The following DLG2 variants were observed in gnomAD, a reference collection of about 807,000 sequenced individuals.
DLG2 encodes discs large MAGUK scaffold protein 2.
A neutral mutation model predicts 132.5 loss-of-function variants in DLG2; 45 were observed. The observed-to-expected ratio is 0.34, with a 90% confidence interval of 0.27 to 0.44. The LOEUF is 0.44. Ranked by LOEUF, DLG2 falls within the 20% of genes least tolerant of loss-of-function variation. The pLI, the probability that DLG2 is intolerant of heterozygous loss-of-function variation, is 1.00. For synonymous variants in DLG2, 424 were observed against 419.6 expected (o/e 1.01, Z -0.13); for missense variants, 1,045 against 1,196.9 (o/e 0.87, Z 1.87).
Position 84,814,542 on chromosome 11 carries a change from C to A in DLG2, c.358-279811G>T, listed in dbSNP as rs183083736. ...CCAGCCCTTTTTGCCTTCCAGCCCC[C>A]ACTGTTACCACTCCCTCCCTCCACA... On this transcript the variant is annotated intron_variant, in intron 6 of 27. Transcript: ENST00000376104. Among the ~76,000 whole-genome samples, 134 of 152,158 alleles carry A rather than the reference C, an allele frequency of 8.8e-4. 2 individuals are homozygous for A. The highest frequency in any genetic ancestry group is 2.2e-4 in the Non-Finnish European group (15 of 67,972).
intron 3 of DLG2, among the ~76,000 whole-genome samples, chr11:85,497,087 T>C (rs1375991708): frequency 6.6e-6 from 1 of 151,740 alleles, no homozygotes; most frequent in Non-Finnish European, 1.5e-5. Context: ...GTTTGATGAG[T>C]TGACAGAAGT....
intron 15 of DLG2, among the ~76,000 whole-genome samples, chr11:83,884,944 T>C (rs2067398157): frequency 6.6e-6 from 1 of 152,186 alleles, no homozygotes; most frequent in Admixed American, 6.5e-5. Context: ...AAAACCCATC[T>C]GTACAACACC....
intron 15 of DLG2, among the ~76,000 whole-genome samples, chr11:83,912,797 T>G (rs796879127): frequency 1.3e-5 from 2 of 152,092 alleles, no homozygotes; most frequent in African/African-American, 4.8e-5. Flanking sequence ...TGGCCATGAA[T>G]CAGCTCAACT....
At chr11:83,702,076 C>T (rs61899988) in intron 18 of DLG2, among the ~76,000 whole-genome samples, 3,183 of 152,294 alleles carry the variant, frequency 0.021, 49 homozygotes, top group Non-Finnish European at 0.035. Flanking sequence ...CTTGCCTGAT[C>T]TTGCCAGGGA....
intron 3 of DLG2, among the ~76,000 whole-genome samples, chr11:85,310,767 T>C (rs1449216217): frequency 6.6e-6 from 1 of 152,220 alleles, no homozygotes; most frequent in Non-Finnish European, 1.5e-5. Context: ...TCTGATGCTA[T>C]AATAGGCATT....
intron 7 of DLG2, among the ~76,000 whole-genome samples, chr11:84,354,305 G>C (rs1036076738): frequency 6.6e-6 from 1 of 152,062 alleles, no homozygotes; most frequent in Non-Finnish European, 1.5e-5. Context: ...TTAATTGTGT[G>C]AATTATAAAG....
At chr11:83,499,849 G>GGA (rs56735590) in intron 21 of DLG2, among the ~76,000 whole-genome samples, 6 of 59,306 alleles carry the variant, frequency 1.0e-4, no homozygotes, top group East Asian at 6.2e-4. Context: ...TCCACTAATA[G>GGA]GAGATATATA....
intron 6 of DLG2, among the ~76,000 whole-genome samples, chr11:84,840,813 G>A (rs1203246321): frequency 6.6e-6 from 1 of 152,048 alleles, no homozygotes; most frequent in African/African-American, 2.4e-5. Flanking sequence ...GACACAGGTC[G>A]GGGACATCAC....
At chr11:85,072,186 C>A (rs976346461) in intron 6 of DLG2, among the ~76,000 whole-genome samples, 3 of 151,786 alleles carry the variant, frequency 2.0e-5, no homozygotes, top group Admixed American at 6.6e-5. Context: ...TTACAATAGG[C>A]CATCTTATTT....
chr11:85,472,299 T>C (rs770039073), intron 3 of DLG2, among the ~76,000 whole-genome samples: 1 of 151,890 alleles, frequency 6.6e-6, no homozygotes, highest in Admixed American at 6.6e-5. Context: ...GAGAACTGTT[T>C]TTTGTTTTTG....
At chr11:85,052,300 C>G (rs540941529) in intron 6 of DLG2, among the ~76,000 whole-genome samples, 3 of 152,254 alleles carry the variant, frequency 2.0e-5, no homozygotes, top group Non-Finnish European at 2.9e-5. Context: ...AAATTCCATT[C>G]TGTAATATCA....
intron 6 of DLG2, among the ~76,000 whole-genome samples, chr11:84,646,339 G>T (rs775788192): frequency 1.3e-5 from 2 of 152,192 alleles, no homozygotes; most frequent in Non-Finnish European, 2.9e-5. Flanking sequence ...ACTTTTCGAA[G>T]AATTTGAATC....
intron 3 of DLG2, among the ~76,000 whole-genome samples, chr11:85,293,455 C>T (rs546381168): frequency 5.3e-5 from 8 of 152,208 alleles, no homozygotes; most frequent in South Asian, 4.1e-4. Flanking sequence ...CAAACTGGCA[C>T]GGGGAGCCTC....
At chr11:84,829,161 A>G (rs373313781) in intron 6 of DLG2, among the ~76,000 whole-genome samples, 58 of 151,786 alleles carry the variant, frequency 3.8e-4, no homozygotes, top group African/African-American at 1.4e-3. Flanking sequence ...ATTCCCAAAT[A>G]ATCACTGTCC....
intron 3 of DLG2, among the ~76,000 whole-genome samples, chr11:85,330,865 A>G (rs56173708): frequency 1.3e-5 from 2 of 152,002 alleles, no homozygotes; most frequent in South Asian, 4.2e-4. Context: ...AGTCTGCTCA[A>G]ATTCTCATAC....
intron 7 of DLG2, among the ~76,000 whole-genome samples, chr11:84,306,496 G>GTAA (rs1320953650): frequency 1.3e-5 from 2 of 152,280 alleles, no homozygotes; most frequent in East Asian, 3.9e-4. Context: ...AGAACAAAGT[G>GTAA]TAATGGTCCC....
At chr11:85,058,618 C>T (rs917561305) in intron 6 of DLG2, among the ~76,000 whole-genome samples, 1 of 151,430 alleles carries the variant, frequency 6.6e-6, no homozygotes, top group African/African-American at 2.4e-5. Context: ...GTAGGACTTA[C>T]ACTACCAGAT....
At chr11:84,928,980 G>GTATATATATATATATATA (rs1385905913) in intron 6 of DLG2, among the ~76,000 whole-genome samples, 1 of 40,258 alleles carries the variant, frequency 2.5e-5, no homozygotes, top group African/African-American at 8.0e-5. Context: ...GTGTGTGTGT[G>GTATATATATATATATATA]TGTATATATA....
At chr11:85,129,986 C>T (rs558631880) in intron 5 of DLG2, among the ~76,000 whole-genome samples, 57 of 152,040 alleles carry the variant, frequency 3.7e-4, no homozygotes, top group African/African-American at 1.0e-3. Context: ...TGTTATCATT[C>T]GTAAGTGGGA....
Sources: gnomAD v4.1 joint callset for allele counts (sites outside exome capture counted in the v4.1 genomes callset) on GRCh38, gnomAD v4.1.1 for gene constraint, MANE v1.5 for transcripts, NCBI Gene and HGNC (gene_info 2026-07-23, HGNC 2026-07-21) for gene names.